Variants in BCAS3 observed in about 807,000 individuals in gnomAD.
The protein encoded by BCAS3 is BCAS3 microtubule associated cell migration factor.
Under a neutral mutation model 116.1 loss-of-function variants are expected in BCAS3, and 53 were observed. That is an observed-to-expected ratio of 0.46 (90% CI 0.37 to 0.57). BCAS3 has a LOEUF of 0.57. Among genes scored for constraint, BCAS3 ranks in the 20% least tolerant of loss-of-function variants. The pLI, the probability that BCAS3 is intolerant of heterozygous loss-of-function variation, is 0.00. For missense variants in BCAS3, 917 were observed against 1,165.4 expected, an observed-to-expected ratio of 0.79 and a Z score of 3.10; for synonymous variants, 391 against 408.2, an observed-to-expected ratio of 0.96 and a Z score of 0.51.
At chr17:60,918,123 GTA>G (rs1184091619) in intron 12 of BCAS3, among the ~76,000 whole-genome samples, 1 of 151,952 alleles carries the variant, frequency 6.6e-6, no homozygotes, top group Non-Finnish European at 1.5e-5. Context: ...TCAATTTCTC[GTA>G]TATCCTTACC....
intron 6 of BCAS3, among the ~76,000 whole-genome samples, chr17:60,754,127 C>T (rs1022388827): frequency 2.0e-5 from 3 of 152,046 alleles, no homozygotes; most frequent in Admixed American, 2.0e-4. Flanking sequence ...CCTTGACCTC[C>T]TGGGCTCAAG....
chr17:60,963,859 G>T (rs1224390392), intron 14 of BCAS3, among the ~76,000 whole-genome samples: 1 of 152,136 alleles, frequency 6.6e-6, no homozygotes, highest in African/African-American at 2.4e-5. Flanking sequence ...CCGGCCAAAT[G>T]CTACTGGTTT....
chr17:61,090,270 A>G (rs936748154), intron 22 of BCAS3, among the ~76,000 whole-genome samples: 2 of 152,206 alleles, frequency 1.3e-5, no homozygotes, highest in African/African-American at 2.4e-5. Flanking sequence ...GTGATTTTCA[A>G]TTAATAGAGT....
chr17:61,099,455 C>T (rs1188907890), intron 22 of BCAS3, among the ~76,000 whole-genome samples: 1 of 152,152 alleles, frequency 6.6e-6, no homozygotes, highest in East Asian at 1.9e-4. Flanking sequence ...TCTTTATCTT[C>T]GTTACCTGAC....
Position 61,388,754 on chromosome 17 carries a change from G to T in BCAS3, c.2594-3223G>T. 6.6e-7 allele frequency: 1 copy of T among 1,512,002 alleles called. No homozygotes were observed. The highest frequency in any genetic ancestry group is 1.7e-4 in the Middle Eastern group (1 of 5,854). 93.7% of individuals were successfully genotyped at this position (1,512,002 alleles called of 1,614,324 possible). ...TTGCCGCTTGCTCGTAGGGCTGGGC[G>T]GCCGGGATGACTTGGAGGGGGGAAT... On this transcript the variant is annotated intron_variant, in intron 23 of 23. Coordinates refer to ENST00000407086, the MANE Select transcript of BCAS3 (RefSeq NM_017679.5). This position sits in a 1 kb window ranked among gnomAD's most constrained non-coding sequence, Gnocchi z 6.5.
intron 5 of BCAS3, among the ~76,000 whole-genome samples, chr17:60,729,332 T>A (rs1017034584): frequency 3.3e-5 from 5 of 151,294 alleles, no homozygotes; most frequent in African/African-American, 1.2e-4. Flanking sequence ...TTTTTTTTTT[T>A]AAGATACCTA....
intron 22 of BCAS3, among the ~76,000 whole-genome samples, chr17:61,148,933 G>A (rs529835309): frequency 1.3e-5 from 2 of 152,316 alleles, no homozygotes; most frequent in East Asian, 3.9e-4. Flanking sequence ...AGTTATTTAT[G>A]GCTTTGGGAG....
chr17:61,005,432 A>G (rs1021235514), intron 15 of BCAS3, among the ~76,000 whole-genome samples: 1 of 152,078 alleles, frequency 6.6e-6, no homozygotes, highest in Admixed American at 6.6e-5. Context: ...GAAATAAAGT[A>G]TATGTGAATA....
chr17:60,902,744 A>G (rs780593206), intron 11 of BCAS3, 41 bp downstream of exon 11: 1 of 1,418,648 alleles, frequency 7.0e-7, no homozygotes, highest in South Asian at 1.2e-5. Context: ...GGTTATGTGT[A>G]GTAATTGTTC....
At chr17:61,071,720 A>G (rs2071446905) in intron 19 of BCAS3, among the ~76,000 whole-genome samples, 1 of 152,240 alleles carries the variant, frequency 6.6e-6, no homozygotes, top group Admixed American at 6.5e-5. Flanking sequence ...ATTTTAATAA[A>G]TATATTACAT....
chr17:61,339,122 CT>C lies in BCAS3; in HGVS notation c.2426-29204del, dbSNP rs947617073. ...TACTCAATCAGTGACATGTGACCCC[CT>C]GGGAAGGTTGTTCTGTGGAGGATGC... On this transcript the variant is annotated intron_variant, in intron 22 of 23. Transcript: ENST00000407086. The surrounding 1 kb of genome is among the most constrained non-coding windows in gnomAD (Gnocchi z 4.4). 1.3e-5 allele frequency among the ~76,000 whole-genome samples: 2 copies of C among 152,096 alleles called. No individual in the cohort carries two copies. Among genetic ancestry groups the C allele is most frequent in the African/African-American group, 4.8e-5 (2 of 41,434 alleles).
intron 5 of BCAS3, among the ~76,000 whole-genome samples, chr17:60,727,834 G>T (rs905511036): frequency 6.7e-6 from 1 of 150,044 alleles, no homozygotes; most frequent in Non-Finnish European, 1.5e-5. Flanking sequence ...TTGACACAGG[G>T]TCTTGCTCTG....
intron 22 of BCAS3, among the ~76,000 whole-genome samples, chr17:61,111,300 G>A (rs1277906684): frequency 1.4e-4 from 21 of 152,036 alleles, no homozygotes; most frequent in Non-Finnish European, 5.9e-5. Flanking sequence ...GCTACGGGAG[G>A]ACATTCAAAC....
At chr17:60,972,646 G>A (rs2063905780) in intron 14 of BCAS3, among the ~76,000 whole-genome samples, 1 of 151,932 alleles carries the variant, frequency 6.6e-6, no homozygotes, top group Non-Finnish European at 1.5e-5. Flanking sequence ...TAGAGAGGCT[G>A]TTGCTATGTT....
At chr17:60,937,307 G>A (rs915674927) in intron 13 of BCAS3, among the ~76,000 whole-genome samples, 1 of 151,474 alleles carries the variant, frequency 6.6e-6, no homozygotes, top group Non-Finnish European at 1.5e-5. Context: ...TTCCATGGGG[G>A]TGGGGTGGCT....
At chr17:61,177,416 G>A (rs894094132) in intron 22 of BCAS3, among the ~76,000 whole-genome samples, 1 of 152,190 alleles carries the variant, frequency 6.6e-6, no homozygotes, top group Non-Finnish European at 1.5e-5. Flanking sequence ...AATATGGGTG[G>A]ATCTCAAATA....
chr17:61,324,721 A>C lies in BCAS3; in HGVS notation c.2426-43606A>C, dbSNP rs746692517. 6.6e-6 allele frequency among the ~76,000 whole-genome samples: 1 copy of C among 152,068 alleles called. No individual in the cohort carries two copies. The highest frequency in any genetic ancestry group is 2.4e-5 in the African/African-American group (1 of 41,396). On this transcript the variant is annotated intron_variant, in intron 22 of 23. Coordinates refer to ENST00000407086, the MANE Select transcript of BCAS3 (RefSeq NM_017679.5). The surrounding 1 kb of genome is among the most constrained non-coding windows in gnomAD (Gnocchi z 4.6). Reference sequence around the variant, plus strand: ...CTTGTTTATAAAATGGTATCCAGCCAGGCACGGTAGCTCACTTCTATAATC... The same window carrying C: ...CTTGTTTATAAAATGGTATCCAGCCCGGCACGGTAGCTCACTTCTATAATC...
intron 13 of BCAS3, among the ~76,000 whole-genome samples, chr17:60,935,238 G>A (rs1313874014): frequency 6.6e-6 from 1 of 152,100 alleles, no homozygotes; most frequent in African/African-American, 2.4e-5. Flanking sequence ...TGCTAAGAAA[G>A]TGGAAGTAAT....
At chr17:61,216,144 C>T (rs2081772599) in intron 22 of BCAS3, among the ~76,000 whole-genome samples, 2 of 152,212 alleles carry the variant, frequency 1.3e-5, no homozygotes, top group South Asian at 2.1e-4. Context: ...GATTAGGGGG[C>T]ACAATGTGAA....
Sources: allele counts gnomAD v4.1 joint callset (sites outside exome capture counted in the v4.1 genomes callset), GRCh38; gene constraint gnomAD v4.1.1; non-coding constraint Gnocchi (gnomAD v3.1); transcripts MANE v1.5; gene names NCBI Gene and HGNC (gene_info 2026-07-23, HGNC 2026-07-21).